PITPNA: variants seen among roughly 807,000 people sequenced by gnomAD.
PITPNA encodes phosphatidylinositol transfer protein alpha, also known as phosphatidylinositol transfer protein alpha isoform.
Under a neutral mutation model 50.3 loss-of-function variants are expected in PITPNA, and 13 were observed. The ratio of observed to expected loss-of-function variants is 0.26; its 90% CI spans 0.17 to 0.41. The LOEUF (loss-of-function observed/expected upper bound fraction) is 0.41, where lower values mean the gene tolerates loss of function less well. Among genes scored for constraint, PITPNA ranks in the 10% least tolerant of loss-of-function variants. The pLI is 1.00. For missense variants in PITPNA, 207 were observed against 333.4 expected, an observed-to-expected ratio of 0.62 and a Z score of 2.95; for synonymous variants, 120 against 119.6, an observed-to-expected ratio of 1.00 and a Z score of -0.02.
At chr17:1,549,196 G>A (rs1426296680) in intron 3 of PITPNA, among the ~76,000 whole-genome samples, 4 of 150,622 alleles carry the variant, frequency 2.7e-5, no homozygotes, top group East Asian at 3.9e-4. Flanking sequence ...ATGAGCCACC[G>A]CGCCCGGTCT....
chr17:1,524,608 T>C (rs891725093), intron 10 of PITPNA, among the ~76,000 whole-genome samples: 1 of 151,812 alleles, frequency 6.6e-6, no homozygotes, highest in Non-Finnish European at 1.5e-5. Context: ...GTACATAGGA[T>C]TGTGATGAAG....
Position 1,562,469 on chromosome 17 carries a change from G to A in PITPNA, c.20+72C>T, listed in dbSNP as rs879391349. 492 of 1,281,354 alleles carry A rather than the reference G, an allele frequency of 3.8e-4. 3 individuals carry two copies. The highest frequency in any genetic ancestry group is 4.8e-4 in the Non-Finnish European group (468 of 969,930). 79.4% of individuals were successfully genotyped at this position (1,281,354 alleles called of 1,614,324 possible). A position where few individuals can be genotyped will look rare whatever the true frequency, so the allele number is the denominator to read the frequency against. ...CGTCCATCCGGGCCCTGCGTCCCTC[G>A]CCGCGCCGTCGCCCCGGCGGCCGTC... On this transcript the variant is annotated intron_variant, in intron 1 of 11. Coordinates refer to ENST00000313486, the MANE Select transcript of PITPNA (RefSeq NM_006224.4). The surrounding 1 kb of genome is among the most constrained non-coding windows in gnomAD (Gnocchi z 6.4).
intron 5 of PITPNA, among the ~76,000 whole-genome samples, chr17:1,542,129 G>A (rs1170937403): frequency 1.3e-5 from 2 of 151,926 alleles, no homozygotes; most frequent in African/African-American, 4.8e-5. Context: ...GAACCCAGGA[G>A]GCAGAAGCTG....
At chr17:1,543,563 T>A (rs1411183676) in intron 4 of PITPNA, among the ~76,000 whole-genome samples, 1 of 152,138 alleles carries the variant, frequency 6.6e-6, no homozygotes, top group Non-Finnish European at 1.5e-5. Context: ...TGACTGCACC[T>A]CTCATGTCAC....
chr17:1,550,073 AG>A (rs1311397029), intron 3 of PITPNA, among the ~76,000 whole-genome samples: 3 of 152,188 alleles, frequency 2.0e-5, no homozygotes, highest in Admixed American at 6.5e-5. Flanking sequence ...AGCAAACTAG[AG>A]CAGAGAGCTA....
intron 2 of PITPNA, among the ~76,000 whole-genome samples, 199 bp downstream of exon 2, chr17:1,558,330 C>G (rs2075749016): frequency 6.6e-6 from 1 of 151,754 alleles, no homozygotes; most frequent in South Asian, 2.1e-4. Context: ...CAGCTTGGGA[C>G]AGGTTGCACA....
chr17:1,532,575 G>A (rs888367928), intron 10 of PITPNA, among the ~76,000 whole-genome samples: 8 of 152,162 alleles, frequency 5.3e-5, no homozygotes, highest in Non-Finnish European at 7.4e-5. Flanking sequence ...CCCAACATAC[G>A]TCATGCTGGC....
intron 8 of PITPNA, 56 bp from the exon 9 acceptor site, chr17:1,535,348 G>T: frequency 6.6e-7 from 1 of 1,508,906 alleles, no homozygotes; most frequent in Non-Finnish European, 9.2e-7. Context: ...ACCTCAGGCC[G>T]TCCCCAGCTC....
In PITPNA at chr17:1,552,997, C is replaced by A; in HGVS notation, c.197+7G>T. ...CAGCATCCGGCCCCGCTGCTCATGC[C>A]GCATACCTCTGCAGGTGGTAGATCT... On this transcript the variant is annotated splice_region_variant and intron_variant, in intron 3 of 11. Coordinates refer to ENST00000313486, the MANE Select transcript of PITPNA (RefSeq NM_006224.4). The A allele has an allele frequency of 6.2e-7, 1 of 1,613,836 alleles. No individual in the cohort carries two copies. The highest frequency in any genetic ancestry group is 8.5e-7 in the Non-Finnish European group (1 of 1,179,794).
Position 1,518,795 on chromosome 17 carries a change from C to G in PITPNA, c.*1766G>C, listed in dbSNP as rs2075490288. On this transcript the variant is annotated 3_prime_UTR_variant, in exon 12 of 12. Coordinates refer to ENST00000313486, the MANE Select transcript of PITPNA (RefSeq NM_006224.4). ...CTTTAAGCACAAATATAATGAATAG[C>G]TAACACAGAGCTTATAGGAAAACAC... 1 of 152,196 alleles carries G rather than the reference C, an allele frequency of 6.6e-6. No individual in the cohort carries two copies. The highest frequency in any genetic ancestry group is 2.1e-4 in the South Asian group (1 of 4,826). 9.4% of individuals were successfully genotyped at this position (152,196 alleles called of 1,614,324 possible). A position where few individuals can be genotyped will look rare whatever the true frequency, so the allele number is the denominator to read the frequency against.
intron 1 of PITPNA, among the ~76,000 whole-genome samples, chr17:1,558,788 C>CG (rs2075753356): frequency 1.7e-5 from 2 of 120,288 alleles, no homozygotes; most frequent in Non-Finnish European, 3.6e-5. Flanking sequence ...CCGCCCCCCC[C>CG]CCCAGAGAAT....
intron 10 of PITPNA, among the ~76,000 whole-genome samples, chr17:1,527,851 G>A (rs895918119): frequency 2.0e-5 from 3 of 152,194 alleles, no homozygotes; most frequent in African/African-American, 7.2e-5. Flanking sequence ...AACTGCAAGT[G>A]AATCTTTCAA....
rs767966050 is a variant in PITPNA, at chr17:1,549,738, G to A, written c.198-1351C>T. Among the ~76,000 whole-genome samples, 9 of 143,870 alleles carry A rather than the reference G, an allele frequency of 6.3e-5. 1 individual carries two copies. Among genetic ancestry groups the A allele is most frequent in the Admixed American group, 1.5e-4 (2 of 13,670 alleles). 94.4% of individuals were successfully genotyped at this position (143,870 alleles called of 152,430 possible). On this transcript the variant is annotated intron_variant, in intron 3 of 11. Coordinates refer to ENST00000313486, the MANE Select transcript of PITPNA (RefSeq NM_006224.4). ...TCGCCAGGCTGGAGTGCAGTGGCAC[G>A]ACCTCAGCTCATTGCTTCCTCCATC... is the stretch of plus-strand genomic sequence containing the variant.
At chr17:1,528,895 T>C (rs1041384202) in intron 10 of PITPNA, among the ~76,000 whole-genome samples, 2 of 151,994 alleles carry the variant, frequency 1.3e-5, no homozygotes, top group Non-Finnish European at 1.5e-5. Context: ...CCCAACACTT[T>C]GGGAGGCCGA....
At chr17:1,549,274 T>C (rs2075695428) in intron 3 of PITPNA, among the ~76,000 whole-genome samples, 1 of 151,894 alleles carries the variant, frequency 6.6e-6, no homozygotes, top group Admixed American at 6.6e-5. Context: ...CTTTTTTTTT[T>C]TTTTTTGGTA....
chr17:1,547,802 T>C (rs901348249), intron 4 of PITPNA, among the ~76,000 whole-genome samples: 4 of 152,186 alleles, frequency 2.6e-5, no homozygotes, highest in African/African-American at 9.7e-5. Flanking sequence ...GAGACCAGCC[T>C]GGGCAACATG....
intron 3 of PITPNA, among the ~76,000 whole-genome samples, chr17:1,548,891 CTCAAT>C (rs1211146776): frequency 2.0e-5 from 3 of 152,112 alleles, no homozygotes; most frequent in Non-Finnish European, 4.4e-5. Context: ...TTTTCTTCTA[CTCAAT>C]TCTTTTTTTT....
chr17:1,552,330 C>T lies in PITPNA; in HGVS notation c.197+674G>A, dbSNP rs117099889. On this transcript the variant is annotated intron_variant, in intron 3 of 11. Transcript: ENST00000313486. ...TAAAACTAGCTTGGTTTGACTTCCA[C>T]TCAAGCTGATGTATAATTAATACCA... Among the ~76,000 whole-genome samples, 461 of 152,338 alleles carry T rather than the reference C, an allele frequency of 3.0e-3. 1 individual carries two copies. Among genetic ancestry groups the T allele is most frequent in the Non-Finnish European group, 4.8e-3 (324 of 68,032 alleles).
chr17:1,533,582 G>A (rs2151005347), intron 10 of PITPNA, among the ~76,000 whole-genome samples: 1 of 152,264 alleles, frequency 6.6e-6, no homozygotes, highest in South Asian at 2.1e-4. Flanking sequence ...AGGCTCCTAA[G>A]GAACAGGGAA....
Sources: gnomAD v4.1 joint callset for allele counts (sites outside exome capture counted in the v4.1 genomes callset) on GRCh38, gnomAD v4.1.1 for gene constraint, Gnocchi (gnomAD v3.1) non-coding constraint, MANE v1.5 for transcripts, NCBI Gene and HGNC (gene_info 2026-07-23, HGNC 2026-07-21) for gene names.